The following SHC2 variants were observed in gnomAD, a reference collection of about 807,000 sequenced individuals.
SHC2 encodes SHC adaptor protein 2.
Under a neutral mutation model 60.6 loss-of-function variants are expected in SHC2, and 62 were observed. The observed-to-expected ratio is 1.02, with a 90% CI of 0.83 to 1.26. The LOEUF (loss-of-function observed/expected upper bound fraction) is 1.26. SHC2 is among the 50% of genes most tolerant of loss of function. SHC2 has a pLI of 0.00. For synonymous variants in SHC2, 375 were observed against 372.4 expected (o/e 1.01, Z -0.08); for missense variants, 873 against 822.2 (o/e 1.06, Z -0.76).
chr19:429,885 T>C (rs955123430), intron 9 of SHC2, among the ~76,000 whole-genome samples: 12 of 148,880 alleles, frequency 8.1e-5, no homozygotes, highest in Non-Finnish European at 1.8e-4. Flanking sequence ...GCAGTACCTA[T>C]ATCCAACGTG....
At chr19:457,443 G>T (rs1272839542) in intron 1 of SHC2, among the ~76,000 whole-genome samples, 2 of 132,464 alleles carry the variant, frequency 1.5e-5, no homozygotes, top group East Asian at 4.5e-4. Flanking sequence ...CTTCAAGGTC[G>T]CCTCCTGGGA....
At chr19:437,343 CATGCTCATCTGTGTGCTTGTTTGT>C (rs1338780647) in intron 4 of SHC2, among the ~76,000 whole-genome samples, 2 of 152,026 alleles carry the variant, frequency 1.3e-5, no homozygotes, top group Admixed American at 6.6e-5. Context: ...TGCTTGTTTG[CATGCTCATCTGTGTGCTTGTTTGT>C]GTGCTCGTCT....
Position 425,147 on chromosome 19 carries a change from A to G in SHC2, c.1259T>C (p.Leu420Pro). Residue 420 changes from leucine to proline, a missense_variant, in exon 10 of 13, where the codon CTG becomes CCG. By Grantham distance (98) the Leu-to-Pro change is moderately conservative. Transcript: ENST00000264554. This position sits in a 1 kb window ranked among gnomAD's most constrained non-coding sequence, Gnocchi z 4.1. ...GCTGTCCTCCGGCTCGGGGGCGTCC[A>G]GACCCTGGGTGTTGACATACAGGTG... is the stretch of plus-strand genomic sequence containing the variant. ...EEHLYVNTQG[L>P]DAPEPEDSPK... 2.2e-6 allele frequency: 3 copies of G among 1,388,814 alleles called. No individual in the cohort carries two copies. Among genetic ancestry groups the G allele is most frequent in the Non-Finnish European group, 2.8e-6 (3 of 1,063,388 alleles). 86.0% of individuals were successfully genotyped at this position (1,388,814 alleles called of 1,614,324 possible). A position where few individuals can be genotyped will look rare whatever the true frequency, so the allele number is the denominator to read the frequency against.
chr19:451,642 G>A (rs1975201899), intron 1 of SHC2, among the ~76,000 whole-genome samples: 1 of 152,184 alleles, frequency 6.6e-6, no homozygotes, highest in South Asian at 2.1e-4. Context: ...CTGTCGCCCA[G>A]GCTGGAGTGC....
chr19:444,715 G>A (rs1006249626), intron 1 of SHC2, among the ~76,000 whole-genome samples: 3 of 152,330 alleles, frequency 2.0e-5, no homozygotes, highest in Non-Finnish European at 2.9e-5. Flanking sequence ...CGCTTGTCAC[G>A]TGTAAGTCTC....
At chr19:459,519 C>CTTCTCAACT (rs1975487125) in intron 1 of SHC2, among the ~76,000 whole-genome samples, 2 of 145,518 alleles carry the variant, frequency 1.4e-5, no homozygotes, top group South Asian at 4.3e-4. Flanking sequence ...GGGAAGGACC[C>CTTCTCAACT]TTCTCAACTC....
At chr19:459,741 G>T (rs911084159) in intron 1 of SHC2, among the ~76,000 whole-genome samples, 1 of 152,218 alleles carries the variant, frequency 6.6e-6, no homozygotes, top group African/African-American at 2.4e-5. Flanking sequence ...CGCAGAGGCC[G>T]GGAGGAGCTG....
At chr19:457,322 T>A (rs111910926) in intron 1 of SHC2, among the ~76,000 whole-genome samples, 7,919 of 73,170 alleles carry the variant, frequency 0.11, 209 homozygotes, top group Middle Eastern at 0.34. Flanking sequence ...CCCCCCTAGA[T>A]CTCTGTCTGC....
chr19:440,837 G>A lies in SHC2; in HGVS notation c.539+25C>T, dbSNP rs374781845. On this transcript the variant is annotated intron_variant, in intron 2 of 12. Transcript: ENST00000264554. The surrounding 1 kb of genome is among the most constrained non-coding windows in gnomAD (Gnocchi z 7.0). ...TCCAGTGCGTCACTCAGCCCTACGC[G>A]GCCAGGGCAGGGTTGGAGGCTCACC... 357 of 1,605,044 alleles carry A rather than the reference G, an allele frequency of 2.2e-4. 1 individual carries two copies. Among genetic ancestry groups the A allele is most frequent in the African/African-American group, 2.8e-4 (21 of 74,864 alleles).
chr19:444,913 A>T (rs1007991969), intron 1 of SHC2, among the ~76,000 whole-genome samples: 14 of 152,322 alleles, frequency 9.2e-5, no homozygotes, highest in African/African-American at 2.4e-4. Flanking sequence ...CCCTCGGGAA[A>T]CAGGCCCGGG....
intron 1 of SHC2, among the ~76,000 whole-genome samples, chr19:451,705 C>T (rs760643357): frequency 2.0e-5 from 3 of 152,170 alleles, no homozygotes; most frequent in Non-Finnish European, 4.4e-5. Flanking sequence ...TCAAGCGATT[C>T]TCCTGCCTCA....
chr19:448,088 C>A (rs1259134252), intron 1 of SHC2, among the ~76,000 whole-genome samples: 1 of 152,224 alleles, frequency 6.6e-6, no homozygotes, highest in African/African-American at 2.4e-5. Flanking sequence ...CTGCGAGTGG[C>A]TCCCGGGGCG....
intron 7 of SHC2, chr19:435,827 C>G (rs1974701708): frequency 3.4e-6 from 1 of 290,510 alleles, no homozygotes; most frequent in African/African-American, 2.1e-5. Flanking sequence ...TACACATGTT[C>G]TGCGGTGAGA....
rs1206736397 is a variant in SHC2 at position 453,167 on chromosome 19, T to A, written c.468+7362A>T. 6.6e-6 allele frequency: 1 copy of A among 152,066 alleles called. No individual in the cohort carries two copies. The highest frequency in any genetic ancestry group is 1.5e-5 in the Non-Finnish European group (1 of 68,044). 9.4% of individuals were successfully genotyped at this position (152,066 alleles called of 1,614,324 possible). On this transcript the variant is annotated intron_variant, in intron 1 of 12. Transcript: ENST00000264554. This position sits in a 1 kb window ranked among gnomAD's most constrained non-coding sequence, Gnocchi z 6.3. ...TCACACCGTCCTGAAAACAGCCCAA[T>A]GTTGTCTGGCCTTGGAAGCTGAGCA...
In SHC2 at chr19:440,538, G is replaced by A. The variant is rs1052451633; in HGVS notation, c.539+324C>T. On this transcript the variant is annotated intron_variant, in intron 2 of 12. Transcript: ENST00000264554. This position sits in a 1 kb window ranked among gnomAD's most constrained non-coding sequence, Gnocchi z 7.0. ...GTGTGGAAAACAGAGCAGGGACACGGAGACGCCACTGGGCCCCGGTCCCAG... is the reference window on the plus strand; with the variant it reads ...GTGTGGAAAACAGAGCAGGGACACGAAGACGCCACTGGGCCCCGGTCCCAG... Among the ~76,000 whole-genome samples the A allele has an allele frequency of 8.5e-5, 13 of 152,192 alleles. No homozygotes were observed. Among genetic ancestry groups the A allele is most frequent in the Non-Finnish European group, 1.5e-4 (10 of 68,026 alleles).
At chr19:435,807 TC>T (rs1448884189) in intron 7 of SHC2, 5 of 238,972 alleles carry the variant, frequency 2.1e-5, no homozygotes, top group African/African-American at 2.2e-5. Context: ...CACAGACACG[TC>T]CCCCCCTTTA....
chr19:456,396 A>G (rs1975343582), intron 1 of SHC2, among the ~76,000 whole-genome samples: 1 of 151,942 alleles, frequency 6.6e-6, no homozygotes, highest in Middle Eastern at 3.2e-3. Context: ...ACACAGGCTC[A>G]TTGTCCACTT....
At chr19:421,818 G>A (rs1974278360) in intron 11 of SHC2, among the ~76,000 whole-genome samples, 1 of 152,156 alleles carries the variant, frequency 6.6e-6, no homozygotes. Flanking sequence ...GCTGAGACAG[G>A]AGGACCACTT....
intron 1 of SHC2, among the ~76,000 whole-genome samples, chr19:443,994 T>C (rs1030190628): frequency 6.9e-6 from 1 of 145,036 alleles, no homozygotes; most frequent in Non-Finnish European, 1.5e-5. Flanking sequence ...GTTGGATGGA[T>C]GGACAGATGG....
Sources: allele counts gnomAD v4.1 joint callset (sites outside exome capture counted in the v4.1 genomes callset), GRCh38; gene constraint gnomAD v4.1.1; non-coding constraint Gnocchi (gnomAD v3.1); transcripts MANE v1.5; gene names NCBI Gene and HGNC (gene_info 2026-07-23, HGNC 2026-07-21).